NRG3: variants seen among roughly 807,000 people sequenced by gnomAD.
NRG3 encodes pro-neuregulin-3, membrane-bound isoform.
In NRG3, 31 loss-of-function variants were observed where a neutral mutation model predicts 66.9. That is an observed-to-expected ratio of 0.46 (90% CI 0.35 to 0.63). The LOEUF is 0.63. Ranked by LOEUF, NRG3 falls within the 20% of genes least tolerant of loss-of-function variation. The probability of loss-of-function intolerance (pLI) is 0.00; values close to 1 mark genes in which losing one functional copy is unlikely to be tolerated. For missense variants in NRG3, 910 were observed against 878.9 expected (o/e 1.04, Z -0.45); for synonymous variants, 393 against 359.4 (o/e 1.09, Z -1.06).
intron 3 of NRG3, among the ~76,000 whole-genome samples, chr10:82,824,516 G>T (rs1455338507): frequency 3.3e-5 from 5 of 152,082 alleles, no homozygotes; most frequent in Non-Finnish European, 4.4e-5. Context: ...ACTTTTCTGT[G>T]TCCTTCCCAT....
chr10:82,221,452 G>C (rs563072571), intron 1 of NRG3, among the ~76,000 whole-genome samples: 1 of 152,142 alleles, frequency 6.6e-6, no homozygotes, highest in South Asian at 2.1e-4. Flanking sequence ...TGCCCAACTG[G>C]CTTCAATCAA....
At chr10:82,892,853 C>G in intron 4 of NRG3, among the ~76,000 whole-genome samples, 1 of 151,882 alleles carries the variant, frequency 6.6e-6, no homozygotes, top group Middle Eastern at 3.4e-3. Context: ...AAGTTTCTCT[C>G]TAGTTAATAA....
At chr10:82,825,038 G>A (rs551275205) in intron 3 of NRG3, among the ~76,000 whole-genome samples, 1 of 152,166 alleles carries the variant, frequency 6.6e-6, no homozygotes, top group Non-Finnish European at 1.5e-5. Context: ...TTATTGAGTT[G>A]TCAGAGTTCT....
intron 1 of NRG3, among the ~76,000 whole-genome samples, chr10:82,121,662 G>A (rs1739767): frequency 0.52 from 78,906 of 151,858 alleles, 22,423 homozygotes; most frequent in Non-Finnish European, 0.66. Flanking sequence ...TTTTGTTTTT[G>A]AGACAAGGCC....
intron 1 of NRG3, among the ~76,000 whole-genome samples, chr10:81,981,781 T>C (rs1025505187): frequency 1.3e-5 from 2 of 152,244 alleles, no homozygotes; most frequent in Admixed American, 1.3e-4. Flanking sequence ...TAAATGGATA[T>C]TGAATTCTCC....
At chr10:82,307,239 C>T (rs1173786552) in intron 1 of NRG3, among the ~76,000 whole-genome samples, 1 of 152,016 alleles carries the variant, frequency 6.6e-6, no homozygotes, top group Non-Finnish European at 1.5e-5. Context: ...TCAATATGAT[C>T]TATCTTATTA....
At chr10:82,218,460 G>A (rs114640210) in intron 1 of NRG3, among the ~76,000 whole-genome samples, 2,066 of 152,288 alleles carry the variant, frequency 0.014, 44 homozygotes, top group African/African-American at 0.047. Context: ...GTTCAGCCAT[G>A]GAGGACACAC....
intron 1 of NRG3, among the ~76,000 whole-genome samples, chr10:81,954,124 G>A (rs943883978): frequency 2.6e-5 from 4 of 152,076 alleles, no homozygotes; most frequent in African/African-American, 9.7e-5. Flanking sequence ...TAAAAATAAA[G>A]CATGGAACAT....
chr10:82,711,699 T>C (rs2056677438), intron 2 of NRG3, among the ~76,000 whole-genome samples: 1 of 152,172 alleles, frequency 6.6e-6, no homozygotes. Flanking sequence ...TTCCCACATA[T>C]GACGATTTGA....
chr10:82,236,207 G>C (rs1290797123), intron 1 of NRG3, among the ~76,000 whole-genome samples: 2 of 152,252 alleles, frequency 1.3e-5, no homozygotes, highest in East Asian at 1.9e-4. Flanking sequence ...TTTAAATGTA[G>C]CTAATCACAG....
chr10:82,924,104 A>AG (rs1162731646), intron 4 of NRG3, among the ~76,000 whole-genome samples: 1 of 151,520 alleles, frequency 6.6e-6, no homozygotes, highest in Non-Finnish European at 1.5e-5. Context: ...AAAAAAAAAA[A>AG]AAAAAGGTAG....
intron 1 of NRG3, among the ~76,000 whole-genome samples, chr10:81,945,704 C>T (rs543968809): frequency 2.6e-5 from 4 of 152,150 alleles, no homozygotes; most frequent in Non-Finnish European, 5.9e-5. Context: ...TAACTCCCAG[C>T]ACCTCAGAAT....
At chr10:82,862,481 T>G (rs2064183396) in intron 3 of NRG3, among the ~76,000 whole-genome samples, 1 of 152,210 alleles carries the variant, frequency 6.6e-6, no homozygotes. Context: ...TGTTAGAGCA[T>G]GTAGATCCTG....
At chr10:81,928,877 A>T (rs1241850243) in intron 1 of NRG3, among the ~76,000 whole-genome samples, 1 of 152,174 alleles carries the variant, frequency 6.6e-6, no homozygotes, top group Non-Finnish European at 1.5e-5. Flanking sequence ...GCTGGAGTGA[A>T]GTGGAATGAT....
intron 1 of NRG3, among the ~76,000 whole-genome samples, chr10:81,920,467 C>T (rs982522857): frequency 7.2e-5 from 11 of 151,934 alleles, no homozygotes; most frequent in Admixed American, 2.0e-4. Context: ...TCACAGCCCA[C>T]TCAGGTTTAA....
chr10:82,806,182 CT>C lies in NRG3; in HGVS notation c.1028-59226del, dbSNP rs1056209982. ...CACCTCAGGGAAACATCAGCTATGG[CT>C]TTAAGCAGATGTGAGTGTCAACAAG... On this transcript the variant is annotated intron_variant, in intron 3 of 8. Transcript: ENST00000372141. Among the ~76,000 whole-genome samples the C allele has an allele frequency of 2.6e-5, 4 of 152,140 alleles. 1 individual carries two copies. The highest frequency in any genetic ancestry group is 2.0e-4 in the Admixed American group (3 of 15,256).
chr10:82,379,505 G>A lies in NRG3; in HGVS notation c.953+20637G>A, dbSNP rs138687385. ...AGATAATCCACAGTAAAATGGGTGC[G>A]ATAATAACAATCCTTGCTTTACTGG... On this transcript the variant is annotated intron_variant, in intron 2 of 8. Coordinates refer to ENST00000372141, the MANE Select transcript of NRG3 (RefSeq NM_001010848.4). 1.1e-3 allele frequency among the ~76,000 whole-genome samples: 174 copies of A among 152,148 alleles called. 1 individual carries two copies. The highest frequency in any genetic ancestry group is 3.8e-3 in the African/African-American group (159 of 41,500).
At chr10:82,316,413 CT>C (rs935516826) in intron 1 of NRG3, among the ~76,000 whole-genome samples, 1 of 152,108 alleles carries the variant, frequency 6.6e-6, no homozygotes, top group African/African-American at 2.4e-5. Context: ...GTTGAAAACC[CT>C]GATGTCTTAT....
intron 2 of NRG3, among the ~76,000 whole-genome samples, chr10:82,525,772 G>C (rs1176667476): frequency 6.6e-6 from 1 of 151,892 alleles, no homozygotes; most frequent in Non-Finnish European, 1.5e-5. Context: ...ATCAGAGACA[G>C]ATCATAAAAC....
Sources: gnomAD v4.1 joint callset for allele counts (sites outside exome capture counted in the v4.1 genomes callset) on GRCh38, gnomAD v4.1.1 for gene constraint, MANE v1.5 for transcripts, NCBI Gene and HGNC (gene_info 2026-07-23, HGNC 2026-07-21) for gene names.